The following JAK2 variants were observed in gnomAD, a reference collection of about 807,000 sequenced individuals.
JAK2 encodes the protein Janus kinase 2, also known as tyrosine-protein kinase JAK2.
A neutral mutation model predicts 139.3 loss-of-function variants in JAK2; 86 were observed. The ratio of observed to expected loss-of-function variants is 0.62; its 90% CI spans 0.52 to 0.74. The LOEUF (loss-of-function observed/expected upper bound fraction) is 0.74. Ranked by LOEUF, JAK2 falls within the 30% of genes least tolerant of loss-of-function variation. JAK2 has a pLI of 0.00. For missense variants in JAK2, 1,421 were observed against 1,360.3 expected, an observed-to-expected ratio of 1.04 and a Z score of -0.70; for synonymous variants, 490 against 437.7, an observed-to-expected ratio of 1.12 and a Z score of -1.49.
intron 2 of JAK2, among the ~76,000 whole-genome samples, chr9:5,012,473 ATTG>A (rs1486861804): frequency 1.3e-5 from 2 of 152,158 alleles, no homozygotes; most frequent in Non-Finnish European, 2.9e-5. Context: ...ATTACTTAAA[ATTG>A]TTGTTATTTA....
chr9:5,045,474 A>G (rs560545116), intron 5 of JAK2, among the ~76,000 whole-genome samples: 1 of 152,222 alleles, frequency 6.6e-6, no homozygotes, highest in Non-Finnish European at 1.5e-5. Context: ...TGTATTAAGT[A>G]CAAATACATT....
intron 5 of JAK2, 51 bp from the exon 6 acceptor site, chr9:5,050,635 C>G (rs773600232): frequency 6.6e-7 from 1 of 1,523,666 alleles, no homozygotes. Flanking sequence ...TAGATTAAAA[C>G]ATGATAATGA....
intron 4 of JAK2, among the ~76,000 whole-genome samples, chr9:5,043,178 C>T: frequency 1.3e-5 from 2 of 151,662 alleles, no homozygotes; most frequent in South Asian, 4.2e-4. Context: ...GACTGGCTGG[C>T]GGACTCCCAG....
rs1368188336 is a variant in JAK2 at position 5,111,138 on chromosome 9, C to T, written c.3060-11866C>T. On this transcript the variant is annotated intron_variant, in intron 22 of 24. Coordinates refer to ENST00000381652, the MANE Select transcript of JAK2 (RefSeq NM_004972.4). ...CCTTTGACCCCAGCTGGACGTTCAG[C>T]GAAGGCGCTCAACTTGCTGAGTCGC... is the stretch of plus-strand genomic sequence containing the variant. 8.1e-6 allele frequency: 8 copies of T among 993,590 alleles called. No homozygotes were observed. The Admixed American group carries it at 1.4e-4, about 18-fold the overall frequency. 61.5% of individuals were successfully genotyped at this position (993,590 alleles called of 1,614,324 possible).
chr9:5,082,003 T>TG (rs749376161), intron 19 of JAK2, 142 bp downstream of exon 19: 39 of 694,940 alleles, frequency 5.6e-5, no homozygotes, highest in Non-Finnish European at 8.9e-5. Flanking sequence ...GTTGGAGAAA[T>TG]GCTGTGTTAA....
intron 19 of JAK2, among the ~76,000 whole-genome samples, chr9:5,084,033 G>A (rs1386588869): frequency 6.6e-6 from 1 of 151,872 alleles, no homozygotes; most frequent in African/African-American, 2.4e-5. Flanking sequence ...CCCCTTTATT[G>A]TAATTTTGAG....
chr9:5,027,868 C>T (rs1055284104), intron 3 of JAK2, among the ~76,000 whole-genome samples: 1 of 152,138 alleles, frequency 6.6e-6, no homozygotes, highest in African/African-American at 2.4e-5. Context: ...CTTCAAGCTC[C>T]ACTTCTAATT....
chr9:5,050,153 T>C (rs1817312098), intron 5 of JAK2, among the ~76,000 whole-genome samples: 1 of 152,222 alleles, frequency 6.6e-6, no homozygotes, highest in Non-Finnish European at 1.5e-5. Flanking sequence ...AATTTGAAGA[T>C]ATATTTAATG....
intron 4 of JAK2, among the ~76,000 whole-genome samples, chr9:5,038,626 A>G (rs997197361): frequency 6.8e-6 from 1 of 147,540 alleles, no homozygotes; most frequent in African/African-American, 2.5e-5. Flanking sequence ...ATTTTAGAAT[A>G]TTTGCAGAGT....
In JAK2 at chr9:5,069,010, A is replaced by T. The variant is rs767005618; in HGVS notation, c.1327-12A>T. ...ACTATCCCTCCCTTTCTTTATAATT[A>T]AACTTATACAGCGAGAAAATGTCAT... On this transcript the variant is annotated splice_polypyrimidine_tract_variant and intron_variant, in intron 10 of 24. Coordinates refer to ENST00000381652, the MANE Select transcript of JAK2 (RefSeq NM_004972.4). 1 of 1,492,844 alleles carries T rather than the reference A, an allele frequency of 6.7e-7. No individual in the cohort carries two copies. The allele number at this position is 1,492,844 out of a possible 1,614,324, so 92.5% of individuals were successfully genotyped here.
At chr9:5,041,962 G>A in intron 4 of JAK2, 2 of 375,138 alleles carry the variant, frequency 5.3e-6, no homozygotes, top group Admixed American at 3.7e-5. Context: ...TCTCCGTGCG[G>A]CCCCTTGGGG....
At chr9:5,052,457 AT>A (rs1817483034) in intron 6 of JAK2, among the ~76,000 whole-genome samples, 1 of 151,988 alleles carries the variant, frequency 6.6e-6, no homozygotes, top group African/African-American at 2.4e-5. Context: ...AAACATTCAT[AT>A]AAGATTCCAT....
Position 5,128,190 on chromosome 9 carries a change from C to G in JAK2, c.*1399C>G, listed in dbSNP as rs985892791. 8.7e-6 allele frequency: 2 copies of G among 228,842 alleles called. No individual in the cohort carries two copies. Among genetic ancestry groups the G allele is most frequent in the African/African-American group, 2.2e-5 (1 of 44,674 alleles). The allele number at this position is 228,842 out of a possible 1,614,324, so 14.2% of individuals were successfully genotyped here. ...AAAATAGTTTCTTACTTTATTTTTA[C>G]TGGTATGTTCTACTTTTTTGAAAGT... On this transcript the variant is annotated 3_prime_UTR_variant, in exon 25 of 25. Transcript: ENST00000381652.
At chr9:5,080,769 A>G (rs985473953) in intron 18 of JAK2, 86 bp downstream of exon 18, 15 of 1,074,636 alleles carry the variant, frequency 1.4e-5, no homozygotes, top group East Asian at 2.7e-5. Context: ...AATTCCTTTA[A>G]AACATTTTCT....
chr9:5,073,778 A>G lies in JAK2; in HGVS notation c.1857A>G (p.Gly619=), dbSNP rs1391356680. The G allele has an allele frequency of 4.4e-6, 7 of 1,600,736 alleles. No individual in the cohort carries two copies. The East Asian group carries it at 1.6e-4, about 36-fold the overall frequency. ...LVLNYGVCVC[G]DENILVQEFV... ...TAAATTATGGAGTATGTGTCTGTGGAGACGAGAGTAAGTAAAACTACAGGC... is the reference window on the plus strand; with the variant it reads ...TAAATTATGGAGTATGTGTCTGTGGGGACGAGAGTAAGTAAAACTACAGGC... The change falls in exon 14 of 25, where the codon GGA becomes GGG. Residue 619 remains glycine (G), a synonymous_variant. Transcript: ENST00000381652.
chr9:5,072,397 A>G, intron 12 of JAK2, 95 bp from the exon 13 acceptor site: 2 of 880,896 alleles, frequency 2.3e-6, no homozygotes, highest in Non-Finnish European at 3.3e-6. Flanking sequence ...TTGCTTATGG[A>G]TTTAAAAAAA....
At chr9:5,111,134 T>C (rs1428592473) in intron 22 of JAK2, 14 of 1,041,200 alleles carry the variant, frequency 1.3e-5, no homozygotes, top group Non-Finnish European at 1.7e-5. Flanking sequence ...AGCTGGACGT[T>C]CAGCGAAGGC....
At chr9:5,078,199 C>A in intron 15 of JAK2, 107 bp from the exon 16 acceptor site, 1 of 850,102 alleles carries the variant, frequency 1.2e-6, no homozygotes, top group Non-Finnish European at 1.8e-6. Flanking sequence ...AATTATTATA[C>A]TATCATGTAT....
chr9:5,030,749 ATTGTT>A (rs1202146409), intron 4 of JAK2, among the ~76,000 whole-genome samples: 3 of 152,072 alleles, frequency 2.0e-5, no homozygotes, highest in Non-Finnish European at 2.9e-5. Context: ...AAATTTTAGT[ATTGTT>A]TTGCTTCTTT....
Sources: allele counts gnomAD v4.1 joint callset (sites outside exome capture counted in the v4.1 genomes callset), GRCh38; gene constraint gnomAD v4.1.1; transcripts MANE v1.5; gene names NCBI Gene and HGNC (gene_info 2026-07-23, HGNC 2026-07-21).